Variants in MYO3A observed in about 807,000 individuals in gnomAD.
The protein encoded by MYO3A is myosin-IIIa.
In MYO3A, 180 loss-of-function variants were observed where a neutral mutation model predicts 192.7. That is an observed-to-expected ratio of 0.93 (90% CI 0.83 to 1.06). The LOEUF (loss-of-function observed/expected upper bound fraction) is 1.06, where lower values mean the gene tolerates loss of function less well. MYO3A is among the 50% of genes least tolerant of loss of function. The probability of loss-of-function intolerance (pLI) is 0.00; values close to 1 mark genes in which losing one functional copy is unlikely to be tolerated. For missense variants in MYO3A, 1,896 were observed against 1,905.0 expected (o/e 1.00, Z 0.09); for synonymous variants, 628 against 645.3 (o/e 0.97, Z 0.41).
At chr10:26,071,843 A>C (rs752795629) in intron 14 of MYO3A, among the ~76,000 whole-genome samples, 14 of 152,192 alleles carry the variant, frequency 9.2e-5, no homozygotes, top group South Asian at 2.1e-4. Context: ...AATGGCTAAA[A>C]TGGCTAGTGT....
At chr10:26,002,526 A>G (rs1260134705) in intron 6 of MYO3A, among the ~76,000 whole-genome samples, 1 of 152,138 alleles carries the variant, frequency 6.6e-6, no homozygotes, top group African/African-American at 2.4e-5. Context: ...AAAGAGAGTG[A>G]TGGGGTAAGT....
At chr10:26,017,331 C>T (rs1842037197) in intron 7 of MYO3A, among the ~76,000 whole-genome samples, 1 of 152,138 alleles carries the variant, frequency 6.6e-6, no homozygotes, top group Non-Finnish European at 1.5e-5. Flanking sequence ...GGGGGCTATG[C>T]TCAGCTTTAA....
intron 34 of MYO3A, among the ~76,000 whole-genome samples, chr10:26,206,065 A>ATTTTT (rs746654545): frequency 7.1e-6 from 1 of 141,642 alleles, no homozygotes; most frequent in Admixed American, 7.1e-5. Flanking sequence ...CTGAGTGCAG[A>ATTTTT]TTTTTTTTTT....
At chr10:26,044,629 A>G (rs1564489362) in intron 10 of MYO3A, among the ~76,000 whole-genome samples, 1 of 152,214 alleles carries the variant, frequency 6.6e-6, no homozygotes, top group Non-Finnish European at 1.5e-5. Flanking sequence ...GCTAGGGAGA[A>G]GAGCACTAAT....
intron 31 of MYO3A, 133 bp from the exon 32 acceptor site, chr10:26,193,072 C>A (rs1320324022): frequency 7.9e-6 from 6 of 759,422 alleles, no homozygotes; most frequent in South Asian, 1.6e-5. Flanking sequence ...GGTTATGCAG[C>A]AAACGTATTT....
At chr10:26,087,454 A>C (rs1019787064) in intron 14 of MYO3A, among the ~76,000 whole-genome samples, 7 of 152,308 alleles carry the variant, frequency 4.6e-5, no homozygotes, top group African/African-American at 1.4e-4. Context: ...TAGGTATTAC[A>C]CTGAAAATCT....
intron 18 of MYO3A, 102 bp downstream of exon 18, chr10:26,120,904 A>G (rs1269414640): frequency 2.1e-6 from 3 of 1,439,160 alleles, no homozygotes; most frequent in Non-Finnish European, 2.9e-6. Flanking sequence ...GCTAACCTAG[A>G]ATCCTTAAAA....
chr10:25,961,944 T>C lies in MYO3A; in HGVS notation c.303+6936T>C, dbSNP rs549856674. Among the ~76,000 whole-genome samples the C allele has an allele frequency of 5.3e-5, 8 of 152,258 alleles. No homozygotes were observed. The East Asian group carries it at 1.2e-3, about 22-fold the overall frequency. On this transcript the variant is annotated intron_variant, in intron 4 of 34. Transcript: ENST00000642920. ...CTGTAATGTTACCCAGAGAATCATG[T>C]TAACAGTGCTAGGCTTTTAATGTGA... is the stretch of plus-strand genomic sequence containing the variant.
At position 26,147,622 on chromosome 10, in the gene MYO3A, G is replaced by T. The variant is rs77096061; in HGVS notation, c.2635+63G>T. 8.7e-4 allele frequency: 1,405 copies of T among 1,607,198 alleles called. 14 individuals carry two copies. In the African/African-American group the frequency reaches 0.016, roughly 19 times the overall value. ...CCAATCAAATAGTTTCTATCTCTGCGCTTTTCACTAATTTCATCCTTAATT... is the reference window on the plus strand; with the variant it reads ...CCAATCAAATAGTTTCTATCTCTGCTCTTTTCACTAATTTCATCCTTAATT... On this transcript the variant is annotated intron_variant, in intron 23 of 34. Transcript: ENST00000642920.
intron 10 of MYO3A, among the ~76,000 whole-genome samples, chr10:26,064,846 G>A (rs1429286661): frequency 6.6e-6 from 1 of 152,164 alleles, no homozygotes. Flanking sequence ...GAAGGAGTAG[G>A]TTTGGAGACA....
chr10:26,073,684 A>G (rs1444578018), intron 14 of MYO3A, among the ~76,000 whole-genome samples: 1 of 152,130 alleles, frequency 6.6e-6, no homozygotes, highest in Admixed American at 6.5e-5. Context: ...TTATTTTTAG[A>G]TGAAGCTCAA....
At chr10:26,172,369 TC>T (rs1842093442) in intron 29 of MYO3A, among the ~76,000 whole-genome samples, 1 of 152,144 alleles carries the variant, frequency 6.6e-6, no homozygotes, top group Non-Finnish European at 1.5e-5. Flanking sequence ...TCGCCAGTCC[TC>T]CCCACGCTGG....
intron 17 of MYO3A, among the ~76,000 whole-genome samples, chr10:26,115,748 G>A (rs1383802926): frequency 6.6e-6 from 1 of 152,130 alleles, no homozygotes; most frequent in Non-Finnish European, 1.5e-5. Flanking sequence ...GGCTTACAAG[G>A]ACTGATAAGT....
At chr10:26,193,771 C>G (rs562891326) in intron 32 of MYO3A, among the ~76,000 whole-genome samples, 2 of 152,292 alleles carry the variant, frequency 1.3e-5, no homozygotes, top group South Asian at 4.1e-4. Flanking sequence ...ATAGCTAATC[C>G]TGGAAATATC....
rs1360151264 is a variant in MYO3A at position 26,016,823 on chromosome 10, T to G, written c.512T>G (p.Val171Gly). The G allele has an allele frequency of 1.2e-6, 2 of 1,614,160 alleles. No individual in the cohort carries two copies. Among genetic ancestry groups the G allele is most frequent in the South Asian group, 2.2e-5 (2 of 91,080 alleles). Residue 171 changes from valine to glycine, a missense_variant, in exon 7 of 35, where the codon GTG becomes GGG. Transcript: ENST00000642920. ...EGGVKLVDFGVSAQLTSTRHR... is the reference protein window; with the variant it reads ...EGGVKLVDFGGSAQLTSTRHR... ...TACATCTTGTCTCTTCCTCTAGGTG[T>G]GTCTGCACAGCTCACCAGTACCCGG...
intron 6 of MYO3A, among the ~76,000 whole-genome samples, chr10:26,005,846 T>A (rs1023437211): frequency 6.6e-6 from 1 of 152,172 alleles, no homozygotes; most frequent in Admixed American, 6.5e-5. Context: ...CATAACTATA[T>A]AAAACATTAA....
chr10:26,103,929 C>T (rs779959936), intron 17 of MYO3A, among the ~76,000 whole-genome samples: 1 of 152,134 alleles, frequency 6.6e-6, no homozygotes, highest in African/African-American at 2.4e-5. Context: ...GGTGAATTTA[C>T]CTAATAACTT....
At chr10:26,144,040 T>C (rs984887719) in intron 21 of MYO3A, among the ~76,000 whole-genome samples, 11 of 152,136 alleles carry the variant, frequency 7.2e-5, no homozygotes, top group African/African-American at 2.7e-4. Flanking sequence ...CTTAATAACC[T>C]CTAAGTTACA....
At chr10:26,071,568 ACT>A (rs1835209463) in intron 14 of MYO3A, among the ~76,000 whole-genome samples, 3 of 152,336 alleles carry the variant, frequency 2.0e-5, no homozygotes, top group Non-Finnish European at 4.4e-5. Context: ...CTCTGAGGAC[ACT>A]GTTACAAAAA....
Sources: gnomAD v4.1 joint callset for allele counts (sites outside exome capture counted in the v4.1 genomes callset) on GRCh38, gnomAD v4.1.1 for gene constraint, MANE v1.5 for transcripts, NCBI Gene and HGNC (gene_info 2026-07-23, HGNC 2026-07-21) for gene names.